Variants in ACYP2 observed in about 807,000 individuals in gnomAD.
ACYP2 encodes the protein acylphosphatase-2.
ACYP2 carries 12 observed loss-of-function variants against 11.2 expected under a neutral mutation model. The ratio of observed to expected loss-of-function variants is 1.08; its 90% CI spans 0.69 to 1.74. The LOEUF (loss-of-function observed/expected upper bound fraction) is 1.74. Among genes scored for constraint, ACYP2 ranks in the 40% most tolerant of loss-of-function variants. ACYP2 has a pLI of 0.00. For missense variants in ACYP2, 134 were observed against 101.9 expected, an observed-to-expected ratio of 1.31 and a Z score of -1.35; for synonymous variants, 43 against 32.2, an observed-to-expected ratio of 1.33 and a Z score of -1.13.
At chr2:54,050,664 T>A (rs1236335958) in intron 2 of ACYP2, among the ~76,000 whole-genome samples, 1 of 152,184 alleles carries the variant, frequency 6.6e-6, no homozygotes, top group African/African-American at 2.4e-5. Context: ...CATAGTCATG[T>A]ATACACCGCT....
chr2:54,128,799 C>A (rs528267578), intron 4 of ACYP2, among the ~76,000 whole-genome samples: 3 of 151,622 alleles, frequency 2.0e-5, no homozygotes, highest in Non-Finnish European at 4.4e-5. Context: ...TGTGAAGATG[C>A]GGAAGTCATA....
chr2:54,068,575 C>T (rs1445680576), intron 4 of ACYP2, among the ~76,000 whole-genome samples: 2 of 152,142 alleles, frequency 1.3e-5, no homozygotes, highest in Non-Finnish European at 2.9e-5. Flanking sequence ...TGCTTGGGCT[C>T]TGATGGTTTT....
chr2:53,973,023 G>A (rs750556916), intron 1 of ACYP2, among the ~76,000 whole-genome samples: 25 of 152,228 alleles, frequency 1.6e-4, no homozygotes, highest in Non-Finnish European at 2.9e-4. Context: ...CACATTTAAG[G>A]ACAGACAGAG....
chr2:54,178,066 G>A (rs371523697), intron 6 of ACYP2, among the ~76,000 whole-genome samples: 185 of 149,378 alleles, frequency 1.2e-3, no homozygotes, highest in African/African-American at 4.1e-3. Context: ...CATCACATCC[G>A]GCTAATTTTT....
intron 6 of ACYP2, among the ~76,000 whole-genome samples, chr2:54,181,919 A>G (rs1683749509): frequency 6.6e-6 from 1 of 152,106 alleles, no homozygotes; most frequent in Admixed American, 6.6e-5. Flanking sequence ...TTCATAAAAC[A>G]TAGGCCATAA....
At position 54,017,311 on chromosome 2, in the gene ACYP2, A is replaced by G. The variant is rs1441533357; in HGVS notation, c.63-33647A>G. Reference sequence around the variant, plus strand: ...TTTGAGACAGAGTCTCAGTCTGTGCAGTGGCACCATCTCAGTTTACTGCAG... The same window carrying G: ...TTTGAGACAGAGTCTCAGTCTGTGCGGTGGCACCATCTCAGTTTACTGCAG... On this transcript the variant is annotated intron_variant, in intron 2 of 6. Coordinates refer to ENST00000607452, the MANE Select transcript of ACYP2 (RefSeq NM_001320586.2). Among the ~76,000 whole-genome samples, 32 of 137,620 alleles carry G rather than the reference A, an allele frequency of 2.3e-4. No individual in the cohort carries two copies. The Admixed American group carries it at 2.5e-3, about 11-fold the overall frequency. 90.3% of individuals were successfully genotyped at this position (137,620 alleles called of 152,430 possible). A position where few individuals can be genotyped will look rare whatever the true frequency, so the allele number is the denominator to read the frequency against.
At chr2:54,109,532 C>G (rs1368126063) in intron 4 of ACYP2, among the ~76,000 whole-genome samples, 1 of 152,098 alleles carries the variant, frequency 6.6e-6, no homozygotes, top group African/African-American at 2.4e-5. Flanking sequence ...TGTAACCAAA[C>G]ATCACATGTT....
intron 4 of ACYP2, among the ~76,000 whole-genome samples, chr2:54,082,268 T>C (rs888635): frequency 0.37 from 56,604 of 150,976 alleles, 11,473 homozygotes; most frequent in East Asian, 0.71. Flanking sequence ...TTTTTTGAGA[T>C]GAAGTCTCAC....
chr2:54,109,699 A>G (rs551163885), intron 4 of ACYP2, among the ~76,000 whole-genome samples: 161 of 152,308 alleles, frequency 1.1e-3, no homozygotes, highest in African/African-American at 3.8e-3. Flanking sequence ...AACTTTCAGA[A>G]AGTAAAATTT....
intron 6 of ACYP2, among the ~76,000 whole-genome samples, chr2:54,174,363 C>T (rs1333291639): frequency 6.6e-6 from 1 of 152,094 alleles, no homozygotes; most frequent in East Asian, 1.9e-4. Context: ...GTGATTTTTG[C>T]ACATTGATTT....
At chr2:54,020,481 C>T (rs562562105) in intron 2 of ACYP2, among the ~76,000 whole-genome samples, 3 of 152,122 alleles carry the variant, frequency 2.0e-5, no homozygotes, top group African/African-American at 7.2e-5. Context: ...ATTGCTGTCA[C>T]ATTGGAAGGC....
At chr2:54,113,389 C>T (rs1679562229) in intron 4 of ACYP2, among the ~76,000 whole-genome samples, 1 of 151,986 alleles carries the variant, frequency 6.6e-6, no homozygotes, top group Non-Finnish European at 1.5e-5. Context: ...ACTACAGGCA[C>T]AGGCCACCAC....
chr2:54,043,754 A>T (rs570032467), intron 2 of ACYP2, among the ~76,000 whole-genome samples: 2 of 152,228 alleles, frequency 1.3e-5, no homozygotes, highest in African/African-American at 4.8e-5. Flanking sequence ...TTCCATGGCA[A>T]ATTTACACAT....
At chr2:54,005,190 G>A (rs952782169) in intron 2 of ACYP2, among the ~76,000 whole-genome samples, 3 of 152,104 alleles carry the variant, frequency 2.0e-5, no homozygotes, top group African/African-American at 7.2e-5. Context: ...AAATTTTTGT[G>A]AAGTATGTAA....
chr2:54,259,013 C>A (rs1687669878), intron 6 of ACYP2, among the ~76,000 whole-genome samples: 1 of 152,158 alleles, frequency 6.6e-6, no homozygotes, highest in African/African-American at 2.4e-5. Flanking sequence ...GTTATCCAGC[C>A]TTGCAAGAAA....
chr2:54,205,302 C>A (rs1269111955), intron 6 of ACYP2, among the ~76,000 whole-genome samples: 3 of 152,116 alleles, frequency 2.0e-5, no homozygotes, highest in Non-Finnish European at 4.4e-5. Flanking sequence ...GAGGGAACCA[C>A]CAGAAAAAGC....
intron 6 of ACYP2, among the ~76,000 whole-genome samples, chr2:54,258,806 C>G (rs2104035439): frequency 6.6e-6 from 1 of 152,220 alleles, no homozygotes; most frequent in South Asian, 2.1e-4. Flanking sequence ...AACTGAATAC[C>G]TGAGACTGGG....
intron 4 of ACYP2, among the ~76,000 whole-genome samples, chr2:54,058,702 G>C (rs1266039053): frequency 7.0e-6 from 1 of 143,864 alleles, no homozygotes; most frequent in Non-Finnish European, 1.5e-5. Context: ...GGGGCTTCTG[G>C]CTGATAATTT....
chr2:54,062,704 A>G (rs532080834), intron 4 of ACYP2, among the ~76,000 whole-genome samples: 6 of 152,366 alleles, frequency 3.9e-5, no homozygotes, highest in African/African-American at 1.4e-4. Flanking sequence ...CTACATGTAT[A>G]CCATAGAATG....
Sources: allele counts gnomAD v4.1 joint callset (sites outside exome capture counted in the v4.1 genomes callset), GRCh38; gene constraint gnomAD v4.1.1; transcripts MANE v1.5; gene names NCBI Gene and HGNC (gene_info 2026-07-23, HGNC 2026-07-21).